CAPN3: variants seen among roughly 807,000 people sequenced by gnomAD.
CAPN3 encodes calpain-3.
CAPN3 carries 88 observed loss-of-function variants against 114.0 expected under a neutral mutation model. The observed-to-expected ratio is 0.77, with a 90% confidence interval of 0.65 to 0.92. The LOEUF is 0.92. Among genes scored for constraint, CAPN3 ranks in the 40% least tolerant of loss-of-function variants. CAPN3 has a pLI of 0.00. For synonymous variants in CAPN3, 386 were observed against 382.9 expected, an observed-to-expected ratio of 1.01 and a Z score of -0.09; for missense variants, 1,028 against 1,069.0, an observed-to-expected ratio of 0.96 and a Z score of 0.53.
At chr15:42,388,528 A>T (rs1356924246) in intron 4 of CAPN3, among the ~76,000 whole-genome samples, 1 of 152,020 alleles carries the variant, frequency 6.6e-6, no homozygotes, top group Non-Finnish European at 1.5e-5. Context: ...ACTGGTCTCG[A>T]ACTCTTGGGC....
At chr15:42,367,170 T>C (rs1380276915) in intron 1 of CAPN3, among the ~76,000 whole-genome samples, 1 of 152,182 alleles carries the variant, frequency 6.6e-6, no homozygotes, top group African/African-American at 2.4e-5. Flanking sequence ...GTGAAACTTC[T>C]GAGGCAAGTG....
At chr15:42,411,072 A>G in intron 22 of CAPN3, 72 bp downstream of exon 22, 2 of 1,250,912 alleles carry the variant, frequency 1.6e-6, no homozygotes, top group South Asian at 2.4e-5. Context: ...CTCACCTGAT[A>G]ATCTCCAGTC....
At chr15:42,402,165 G>A (rs1312245167) in intron 12 of CAPN3, 30 bp downstream of exon 12, 1 of 1,613,888 alleles carries the variant, frequency 6.2e-7, no homozygotes, top group African/African-American at 1.3e-5. Flanking sequence ...CAGCAGTTGT[G>A]TGCAGCACTA....
chr15:42,365,010 G>T (rs112099103), intron 1 of CAPN3, among the ~76,000 whole-genome samples: 5,776 of 152,176 alleles, frequency 0.038, 338 homozygotes, highest in African/African-American at 0.12. Flanking sequence ...TGCTCCACAG[G>T]GCCCTGCCCT....
intron 1 of CAPN3, among the ~76,000 whole-genome samples, chr15:42,376,570 G>A (rs1470608543): frequency 2.0e-5 from 3 of 149,452 alleles, no homozygotes; most frequent in Admixed American, 1.3e-4. Flanking sequence ...TTTTCCTTGA[G>A]CACTTTCTTA....
chr15:42,380,868 G>A (rs1310594508), intron 1 of CAPN3, among the ~76,000 whole-genome samples: 1 of 149,258 alleles, frequency 6.7e-6, no homozygotes, highest in Non-Finnish European at 1.5e-5. Context: ...TGGGATTACA[G>A]GTGTGAACCA....
At chr15:42,409,869 G>GT in intron 18 of CAPN3, 25 bp downstream of exon 18, 1 of 1,401,386 alleles carries the variant, frequency 7.1e-7, no homozygotes. Flanking sequence ...CCAAATGGGG[G>GT]TGGGGTGGGT....
intron 4 of CAPN3, 66 bp from the exon 5 acceptor site, chr15:42,388,862 A>C: frequency 7.4e-7 from 1 of 1,346,194 alleles, no homozygotes; most frequent in Non-Finnish European, 1.1e-6. Flanking sequence ...TTCTGGTGGC[A>C]GTGGTACCTG....
Position 42,409,490 on chromosome 15 carries a change from T to C in CAPN3, c.1992+110T>C, listed in dbSNP as rs3115883. On this transcript the variant is annotated intron_variant, in intron 17 of 23. Transcript: ENST00000397163. ...GTTTGGTAGAGGTCACTTTGGACTT[T>C]GGTGGAGCCAGGGGATGTGTGCGTA... The C allele has an allele frequency of 0.71, 788,654 of 1,109,212 alleles. 284,280 individuals carry two copies. Among genetic ancestry groups the C allele is most frequent in the African/African-American group, 0.93 (60,830 of 65,072 alleles). The allele number at this position is 1,109,212 out of a possible 1,614,324, so 68.7% of individuals were successfully genotyped here.
chr15:42,400,338 G>A (rs1164019719), intron 10 of CAPN3, among the ~76,000 whole-genome samples: 2 of 152,128 alleles, frequency 1.3e-5, no homozygotes, highest in Non-Finnish European at 2.9e-5. Flanking sequence ...GAGATGGAGG[G>A]GAGACAGCAG....
At position 42,359,994 on chromosome 15, in the gene CAPN3, A is replaced by G. The variant is rs2141102580; in HGVS notation, c.189A>G (p.Gln63=). The stretch of plus-strand genomic sequence containing the variant: ...GAGTGAAAGAGAAGACATTCGAGCA[A>G]CTTCACAAGAAATGTCTAGAAAAGA... The part of the protein sequence containing the change: ...IIGVKEKTFE[Q]LHKKCLEKKV... The change falls in exon 1 of 24, where the codon CAA becomes CAG. Residue 63 remains glutamine, a synonymous_variant. Transcript: ENST00000397163. 6.2e-7 allele frequency: 1 copy of G among 1,614,220 alleles called. No homozygotes were observed. The highest frequency in any genetic ancestry group is 1.1e-5 in the South Asian group (1 of 91,084).
Position 42,411,002 on chromosome 15 carries a change from T to G in CAPN3, c.2380+2T>G, listed in dbSNP as rs761935462. 10 of 1,607,542 alleles carry G rather than the reference T, an allele frequency of 6.2e-6. No individual in the cohort carries two copies. The highest frequency in any genetic ancestry group is 8.5e-6 in the Non-Finnish European group (10 of 1,174,136). On this transcript the variant is annotated splice_donor_variant, in intron 22 of 23. Transcript: ENST00000397163. LOFTEE classifies it high-confidence loss of function. ...TCGTTAGGCTGGAGGGCATGTTCAG[T>G]AAGTGGGAGAGGGGGGCTGCCCTCT...
intron 14 of CAPN3, chr15:42,405,111 A>G (rs2053981355): frequency 5.1e-6 from 4 of 787,182 alleles, no homozygotes; most frequent in Non-Finnish European, 6.2e-6. Flanking sequence ...CCCTTGGCTC[A>G]GCTGATAGTT....
intron 7 of CAPN3, 152 bp downstream of exon 7, chr15:42,392,874 G>A (rs2053598907): frequency 1.6e-6 from 1 of 636,246 alleles, no homozygotes; most frequent in South Asian, 1.8e-5. Flanking sequence ...TGGGAGCAGA[G>A]GGGCCTGTGA....
chr15:42,409,370 T>TA lies in CAPN3; in HGVS notation c.1983dup (p.Ala662SerfsTer4), dbSNP rs1445724752. ...CAATTCCGGAACATTTTCAAGCAGA[T>TA]AGCAGGAGATGTGAGTACCTCCAAG... On this transcript the variant is annotated frameshift_variant, in exon 17 of 24. Coordinates refer to ENST00000397163, the MANE Select transcript of CAPN3 (RefSeq NM_000070.3). LOFTEE classifies it high-confidence loss of function. The TA allele has an allele frequency of 6.2e-7, 1 of 1,614,158 alleles. No individual in the cohort carries two copies. Among genetic ancestry groups the TA allele is most frequent in the South Asian group, 1.1e-5 (1 of 91,082 alleles).
chr15:42,390,150 C>A, intron 6 of CAPN3, 54 bp downstream of exon 6: 4 of 1,603,906 alleles, frequency 2.5e-6, no homozygotes, highest in Non-Finnish European at 3.4e-6. Flanking sequence ...CACATGACCC[C>A]GCCCTATTAG....
In CAPN3 at chr15:42,401,654, C is replaced by T; in HGVS notation, c.1368C>T (p.Thr456=). ...CTGGGGGTGCAGATACTTTCTGGAC[C>T]AACCCTCAGTACCGTCTGAAGCTCC... ...GCRNFPDTFW[T]NPQYRLKLLE... is the part of the protein sequence containing the mutation. The change falls in exon 11 of 24, where the codon ACC becomes ACT. Residue 456 remains threonine, a synonymous_variant. Coordinates refer to ENST00000397163, the MANE Select transcript of CAPN3 (RefSeq NM_000070.3). The T allele has an allele frequency of 6.2e-7, 1 of 1,614,154 alleles. No homozygotes were observed. The highest frequency in any genetic ancestry group is 1.1e-5 in the South Asian group (1 of 91,072).
At chr15:42,380,837 C>T (rs2053233702) in intron 1 of CAPN3, among the ~76,000 whole-genome samples, 1 of 147,648 alleles carries the variant, frequency 6.8e-6, no homozygotes, top group African/African-American at 2.5e-5. Context: ...GCAGTCTGCC[C>T]ACCTTGGCCT....
chr15:42,404,439 T>C (rs2053963712), intron 14 of CAPN3: 3 of 456,462 alleles, frequency 6.6e-6, no homozygotes, highest in South Asian at 3.1e-5. Context: ...TAATCCCTGG[T>C]GTTCAAGAAA....
Sources: gnomAD v4.1 joint callset for allele counts (sites outside exome capture counted in the v4.1 genomes callset) on GRCh38, gnomAD v4.1.1 for gene constraint, MANE v1.5 for transcripts, NCBI Gene and HGNC (gene_info 2026-07-23, HGNC 2026-07-21) for gene names.